The following DCDC1 variants were observed in gnomAD, a reference collection of about 807,000 sequenced individuals.
DCDC1 encodes doublecortin domain containing 1.
Under a neutral mutation model 178.3 loss-of-function variants are expected in DCDC1, and 200 were observed. That is an observed-to-expected ratio of 1.12 (90% CI 1.00 to 1.26). The LOEUF is 1.26. Ranked by LOEUF, DCDC1 falls within the 50% of genes most tolerant of loss-of-function variation. The probability of loss-of-function intolerance (pLI) is 0.00; values close to 1 mark genes in which losing one functional copy is unlikely to be tolerated. For synonymous variants in DCDC1, 690 were observed against 604.8 expected, an observed-to-expected ratio of 1.14 and a Z score of -2.07; for missense variants, 1,983 against 1,749.2, an observed-to-expected ratio of 1.13 and a Z score of -2.38.
chr11:31,089,710 T>C (rs2135649741), intron 17 of DCDC1, among the ~76,000 whole-genome samples: 1 of 152,194 alleles, frequency 6.6e-6, no homozygotes, highest in African/African-American at 2.4e-5. Flanking sequence ...CCACATTGTC[T>C]AATCTGGCAT....
intron 21 of DCDC1, among the ~76,000 whole-genome samples, chr11:30,933,250 C>T (rs76431222): frequency 0.027 from 4,103 of 151,236 alleles, 186 homozygotes; most frequent in African/African-American, 0.094. Flanking sequence ...CTCTTGTTGG[C>T]CCTTTGTTAA....
intron 34 of DCDC1, among the ~76,000 whole-genome samples, chr11:30,896,200 C>T (rs557373143): frequency 1.3e-5 from 2 of 151,988 alleles, no homozygotes; most frequent in East Asian, 1.9e-4. Flanking sequence ...ATGTATTGAA[C>T]GAATTGTTTT....
intron 20 of DCDC1, among the ~76,000 whole-genome samples, chr11:31,036,152 A>G (rs781000206): frequency 2.6e-5 from 4 of 152,210 alleles, no homozygotes; most frequent in Admixed American, 6.5e-5. Context: ...GACAAACTAC[A>G]TATTCCTTCA....
At chr11:31,349,974 C>T (rs1404937174) in intron 1 of DCDC1, among the ~76,000 whole-genome samples, 3 of 152,116 alleles carry the variant, frequency 2.0e-5, no homozygotes, top group Admixed American at 6.5e-5. Context: ...GCTCCAAATG[C>T]TTCTTATTGT....
rs574257134 is a variant in DCDC1 at position 31,289,614 on chromosome 11, T to C, written c.960+1033A>G. On this transcript the variant is annotated intron_variant, in intron 7 of 38. Transcript: ENST00000684477. ...ATAGTATAACAAAATTATCTTGATT[T>C]CATAATAAAAATTTTCCATTAGAAA... 2.0e-5 allele frequency among the ~76,000 whole-genome samples: 3 copies of C among 152,210 alleles called. No homozygotes were observed. In the South Asian group the frequency reaches 6.2e-4, roughly 32 times the overall value.
chr11:30,972,905 T>G (rs992638414), intron 20 of DCDC1, among the ~76,000 whole-genome samples: 3 of 152,088 alleles, frequency 2.0e-5, no homozygotes, highest in Non-Finnish European at 4.4e-5. Context: ...AGGGGTAGTT[T>G]CTCATGGTTT....
At chr11:30,884,469 T>A (rs906181375) in intron 36 of DCDC1, among the ~76,000 whole-genome samples, 10 of 152,120 alleles carry the variant, frequency 6.6e-5, no homozygotes, top group African/African-American at 2.4e-4. Context: ...GTAAGCAAAA[T>A]CACCATCATG....
intron 8 of DCDC1, chr11:31,262,865 A>C: frequency 2.1e-6 from 1 of 478,764 alleles, no homozygotes; most frequent in Non-Finnish European, 3.6e-6. Flanking sequence ...TAAATATTTT[A>C]AGTCCAGTGA....
intron 20 of DCDC1, among the ~76,000 whole-genome samples, chr11:30,960,906 A>G (rs1464428082): frequency 6.6e-6 from 1 of 152,152 alleles, no homozygotes; most frequent in East Asian, 1.9e-4. Flanking sequence ...CTTCATGAGT[A>G]TCTACTTCCA....
At chr11:30,896,071 G>A (rs146618042) in intron 34 of DCDC1, among the ~76,000 whole-genome samples, 1 of 152,202 alleles carries the variant, frequency 6.6e-6, no homozygotes, top group East Asian at 1.9e-4. Flanking sequence ...ATGCACTTGC[G>A]CTATAATTTT....
At chr11:31,256,228 T>C (rs1468439987) in intron 8 of DCDC1, among the ~76,000 whole-genome samples, 2 of 152,198 alleles carry the variant, frequency 1.3e-5, no homozygotes, top group African/African-American at 4.8e-5. Context: ...TACTGTAGTT[T>C]TACTTGTAGT....
intron 20 of DCDC1, among the ~76,000 whole-genome samples, chr11:30,970,037 C>G (rs1305947141): frequency 6.6e-6 from 1 of 152,010 alleles, no homozygotes; most frequent in Non-Finnish European, 1.5e-5. Context: ...ACACCAAAAG[C>G]AAGGAAGGAG....
chr11:30,878,232 T>A (rs1420341959), intron 38 of DCDC1, among the ~76,000 whole-genome samples: 1 of 152,032 alleles, frequency 6.6e-6, no homozygotes, highest in African/African-American at 2.4e-5. Flanking sequence ...GTGGGAGGAT[T>A]GCTTGAGCTC....
intron 37 of DCDC1, 91 bp from the exon 38 acceptor site, chr11:30,878,802 C>A (rs1303603951): frequency 5.1e-5 from 64 of 1,246,512 alleles, no homozygotes; most frequent in Non-Finnish European, 6.7e-5. Context: ...CTTGAAGACC[C>A]CTCACAAATC....
intron 21 of DCDC1, chr11:30,944,143 T>C: frequency 5.7e-6 from 2 of 349,832 alleles, no homozygotes; most frequent in South Asian, 4.8e-5. Context: ...ACTGGCTCAA[T>C]GCATAGCCTT....
At chr11:31,246,404 A>G (rs911149595) in intron 8 of DCDC1, among the ~76,000 whole-genome samples, 10 of 151,912 alleles carry the variant, frequency 6.6e-5, no homozygotes, top group African/African-American at 2.4e-4. Context: ...TGCTAACAAG[A>G]TATCATTTAG....
chr11:30,888,884 G>T (rs985125303), intron 36 of DCDC1, among the ~76,000 whole-genome samples: 1 of 152,124 alleles, frequency 6.6e-6, no homozygotes, highest in African/African-American at 2.4e-5. Flanking sequence ...TATAATAATT[G>T]CTCACCCACA....
intron 8 of DCDC1, among the ~76,000 whole-genome samples, chr11:31,247,530 AG>A (rs1417336054): frequency 1.3e-5 from 2 of 151,928 alleles, no homozygotes; most frequent in Admixed American, 1.3e-4. Flanking sequence ...TGCCATGTTC[AG>A]GGCTGGCCTT....
intron 9 of DCDC1, among the ~76,000 whole-genome samples, chr11:31,225,599 T>C (rs1400871235): frequency 6.7e-6 from 1 of 150,206 alleles, no homozygotes; most frequent in Admixed American, 6.7e-5. Flanking sequence ...TGCTAATATG[T>C]ACATATACAT....
Sources: gnomAD v4.1 joint callset for allele counts (sites outside exome capture counted in the v4.1 genomes callset) on GRCh38, gnomAD v4.1.1 for gene constraint, MANE v1.5 for transcripts, NCBI Gene and HGNC (gene_info 2026-07-23, HGNC 2026-07-21) for gene names.